The following DNAJB6 variants were observed in gnomAD, a reference collection of about 807,000 sequenced individuals.
DNAJB6 encodes DnaJ heat shock protein family (Hsp40) member B6, also known as dnaJ homolog subfamily B member 6.
In DNAJB6, 16 loss-of-function variants were observed where a neutral mutation model predicts 42.7. That is an observed-to-expected ratio of 0.37 (90% CI 0.25 to 0.57). The LOEUF is 0.57. Among genes scored for constraint, DNAJB6 ranks in the 20% least tolerant of loss-of-function variants. The pLI is 0.74. For missense variants in DNAJB6, 347 were observed against 416.8 expected, an observed-to-expected ratio of 0.83 and a Z score of 1.46; for synonymous variants, 170 against 163.5, an observed-to-expected ratio of 1.04 and a Z score of -0.30.
In DNAJB6 at chr7:157,416,788, C is replaced by A. The variant is rs543530610; in HGVS notation, c.*690C>A. On this transcript the variant is annotated 3_prime_UTR_variant, in exon 10 of 10. Coordinates refer to ENST00000262177, the MANE Select transcript of DNAJB6 (RefSeq NM_058246.4). ...TTATTTTTAGCAAAAAATTTTTGCTCAGTGGCACTCTCCCTAGTGTCCATG... is the reference window on the plus strand; with the variant it reads ...TTATTTTTAGCAAAAAATTTTTGCTAAGTGGCACTCTCCCTAGTGTCCATG... The A allele has an allele frequency of 6.6e-6, 1 of 152,154 alleles. No individual in the cohort carries two copies. The highest frequency in any genetic ancestry group is 1.5e-5 in the Non-Finnish European group (1 of 68,032). The allele number at this position is 152,154 out of a possible 1,614,324, so 9.4% of individuals were successfully genotyped here.
chr7:157,406,080 C>A (rs951402858), intron 8 of DNAJB6, among the ~76,000 whole-genome samples: 2 of 152,208 alleles, frequency 1.3e-5, no homozygotes, highest in African/African-American at 4.8e-5. Flanking sequence ...CCATCGAGGC[C>A]GAATCGGGCA....
intron 5 of DNAJB6, among the ~76,000 whole-genome samples, chr7:157,377,276 G>A (rs1049547383): frequency 2.0e-5 from 3 of 152,176 alleles, no homozygotes; most frequent in Non-Finnish European, 4.4e-5. Flanking sequence ...ATTTCAAATG[G>A]TTTGTAGGGC....
intron 8 of DNAJB6, among the ~76,000 whole-genome samples, chr7:157,390,497 T>C (rs1801288645): frequency 6.6e-6 from 1 of 152,216 alleles, no homozygotes. Flanking sequence ...ATTCAGGCAC[T>C]GATGGGAAAT....
At chr7:157,387,687 G>GA (rs895054626) in intron 8 of DNAJB6, among the ~76,000 whole-genome samples, 1 of 152,270 alleles carries the variant, frequency 6.6e-6, no homozygotes, top group Non-Finnish European at 1.5e-5. Context: ...TAGACTTTGT[G>GA]GAGTGTTTCA....
At chr7:157,411,258 T>G (rs113845619) in intron 9 of DNAJB6, 3 of 3,150 alleles carry the variant, frequency 9.5e-4, no homozygotes, top group African/African-American at 1.9e-3. Context: ...CTCCCCACGG[T>G]TCCCTGCACT....
rs139621545 is a variant in DNAJB6, at chr7:157,369,785, A to G, written c.346+2302A>G. On this transcript the variant is annotated intron_variant, in intron 5 of 9. Transcript: ENST00000262177. ...TATTATTAAACAGGCCTTTCATAAC[A>G]TTATTATTAAACGAGCCCCTTCTTA... Among the ~76,000 whole-genome samples the G allele has an allele frequency of 5.0e-3, 602 of 120,222 alleles. 6 individuals carry two copies. The highest frequency in any genetic ancestry group is 0.046 in the East Asian group (189 of 4,152). The allele number at this position is 120,222 out of a possible 152,430, so 78.9% of individuals were successfully genotyped here. A position where few individuals can be genotyped will look rare whatever the true frequency, so the allele number is the denominator to read the frequency against.
intron 8 of DNAJB6, among the ~76,000 whole-genome samples, chr7:157,404,466 CTTTTTTTTT>C (rs55793060): frequency 9.7e-6 from 1 of 103,212 alleles, no homozygotes; most frequent in Non-Finnish European, 1.8e-5. Context: ...TAATTTTTGT[CTTTTTTTTT>C]TTTTTTTTTT....
chr7:157,390,538 C>A (rs748675364), intron 8 of DNAJB6, among the ~76,000 whole-genome samples: 2 of 152,180 alleles, frequency 1.3e-5, no homozygotes, highest in African/African-American at 4.8e-5. Context: ...CCATAGAGAC[C>A]GGAGGTTTTC....
intron 8 of DNAJB6, among the ~76,000 whole-genome samples, chr7:157,391,017 G>C (rs1801314364): frequency 6.6e-6 from 1 of 152,096 alleles, no homozygotes. Context: ...TGTATTTTTA[G>C]TGGAGACAGG....
chr7:157,402,336 AGGCACCCATGCTGCCC>A (rs1202632301), intron 8 of DNAJB6, among the ~76,000 whole-genome samples: 8 of 152,332 alleles, frequency 5.3e-5, no homozygotes, highest in Non-Finnish European at 1.2e-4. Flanking sequence ...CCCCTTCCAC[AGGCACCCATGCTGCCC>A]GTGCAGTGGC....
intron 5 of DNAJB6, chr7:157,369,345 T>C: frequency 2.2e-6 from 1 of 456,694 alleles, no homozygotes; most frequent in Non-Finnish European, 4.4e-6. Context: ...GCAAACTGCA[T>C]TTGTTGCTTT....
At chr7:157,375,479 G>C (rs1468240412) in intron 5 of DNAJB6, among the ~76,000 whole-genome samples, 2 of 152,232 alleles carry the variant, frequency 1.3e-5, no homozygotes, top group Non-Finnish European at 1.5e-5. Context: ...GAAGTAGCTA[G>C]AAATTATACT....
At chr7:157,400,684 G>C (rs1188144598) in intron 8 of DNAJB6, among the ~76,000 whole-genome samples, 8 of 152,256 alleles carry the variant, frequency 5.3e-5, no homozygotes, top group Non-Finnish European at 1.2e-4. Flanking sequence ...CGTGTCAGCT[G>C]TGGGTCCGGG....
intron 3 of DNAJB6, among the ~76,000 whole-genome samples, chr7:157,364,128 A>G (rs1799736687): frequency 6.6e-6 from 1 of 152,040 alleles, no homozygotes; most frequent in African/African-American, 2.4e-5. Context: ...AAAGAACCCA[A>G]TTTGAGGCAG....
At chr7:157,358,808 C>G (rs182462360) in intron 2 of DNAJB6, among the ~76,000 whole-genome samples, 171 bp downstream of exon 2, 1 of 152,196 alleles carries the variant, frequency 6.6e-6, no homozygotes, top group African/African-American at 2.4e-5. Context: ...CAGTCTAGGC[C>G]TGGGCTTTGC....
intron 8 of DNAJB6, among the ~76,000 whole-genome samples, chr7:157,388,853 T>A (rs1801208130): frequency 6.6e-6 from 1 of 152,206 alleles, no homozygotes. Flanking sequence ...TTGGTTTGAT[T>A]TGAGTGATGG....
intron 9 of DNAJB6, chr7:157,410,790 G>C (rs1215456684): frequency 6.6e-6 from 1 of 152,322 alleles, no homozygotes; most frequent in Non-Finnish European, 1.5e-5. Context: ...GGACCGAAGC[G>C]GATGTCGTGA....
In DNAJB6 at chr7:157,416,151, C is replaced by T. The variant is rs377683714; in HGVS notation, c.*53C>T. 27 of 1,588,500 alleles carry T rather than the reference C, an allele frequency of 1.7e-5. No individual in the cohort carries two copies. Among genetic ancestry groups the T allele is most frequent in the African/African-American group, 2.7e-5 (2 of 74,214 alleles). ...CCAGACGCTGGCGCTCCACCGTGCTCGGCATGCGGTCGTGCACACGCGCTA... is the reference window on the plus strand; with the variant it reads ...CCAGACGCTGGCGCTCCACCGTGCTTGGCATGCGGTCGTGCACACGCGCTA... On this transcript the variant is annotated 3_prime_UTR_variant, in exon 10 of 10. Coordinates refer to ENST00000262177, the MANE Select transcript of DNAJB6 (RefSeq NM_058246.4).
chr7:157,382,506 C>A, intron 6 of DNAJB6, 129 bp downstream of exon 6: 1 of 1,074,622 alleles, frequency 9.3e-7, no homozygotes, highest in Non-Finnish European at 1.3e-6. Context: ...TGTGGATTTG[C>A]CAGCTTTTTT....
Sources: allele counts gnomAD v4.1 joint callset (sites outside exome capture counted in the v4.1 genomes callset), GRCh38; gene constraint gnomAD v4.1.1; transcripts MANE v1.5; gene names NCBI Gene and HGNC (gene_info 2026-07-23, HGNC 2026-07-21).